Variants in KLHL1 observed in about 807,000 individuals in gnomAD.
The protein encoded by KLHL1 is kelch like family member 1.
KLHL1 carries 47 observed loss-of-function variants against 77.7 expected under a neutral mutation model. The observed-to-expected ratio is 0.60, with a 90% CI of 0.48 to 0.77. The LOEUF (loss-of-function observed/expected upper bound fraction) is 0.77. Ranked by LOEUF, KLHL1 falls within the 30% of genes least tolerant of loss-of-function variation. The pLI, the probability that KLHL1 is intolerant of heterozygous loss-of-function variation, is 0.00. For missense variants in KLHL1, 925 were observed against 910.8 expected (o/e 1.02, Z -0.20); for synonymous variants, 360 against 325.2 (o/e 1.11, Z -1.15).
chr13:69,861,464 T>C (rs1880156196), intron 5 of KLHL1, among the ~76,000 whole-genome samples: 1 of 152,128 alleles, frequency 6.6e-6, no homozygotes, highest in Admixed American at 6.6e-5. Flanking sequence ...AACAAGTTCA[T>C]GATTTCATAT....
At chr13:69,835,275 T>C (rs1246144784) in intron 6 of KLHL1, among the ~76,000 whole-genome samples, 2 of 152,158 alleles carry the variant, frequency 1.3e-5, no homozygotes, top group Non-Finnish European at 2.9e-5. Context: ...CTAATTCTAA[T>C]ACCAGCCCAC....
At chr13:69,727,183 T>C (rs1566186649) in intron 8 of KLHL1, among the ~76,000 whole-genome samples, 1 of 152,152 alleles carries the variant, frequency 6.6e-6, no homozygotes, top group Non-Finnish European at 1.5e-5. Flanking sequence ...TAATCTTATT[T>C]TGGTTTTAAG....
intron 4 of KLHL1, among the ~76,000 whole-genome samples, chr13:69,924,371 C>A (rs1882744599): frequency 6.6e-6 from 1 of 152,118 alleles, no homozygotes; most frequent in Non-Finnish European, 1.5e-5. Context: ...GCATTCACTT[C>A]TTCCCCTCTG....
chr13:69,844,598 T>G (rs1026452421), intron 5 of KLHL1, among the ~76,000 whole-genome samples: 1 of 151,636 alleles, frequency 6.6e-6, no homozygotes, highest in African/African-American at 2.4e-5. Context: ...GCCAACCACA[T>G]GTGAGTTTGG....
At chr13:69,784,077 C>A (rs559710678) in intron 7 of KLHL1, among the ~76,000 whole-genome samples, 2 of 152,144 alleles carry the variant, frequency 1.3e-5, no homozygotes, top group East Asian at 3.9e-4. Flanking sequence ...TCATATCCAG[C>A]CAAACTAAGC....
chr13:69,847,071 C>A (rs1276577681), intron 5 of KLHL1, among the ~76,000 whole-genome samples: 1 of 151,356 alleles, frequency 6.6e-6, no homozygotes, highest in African/African-American at 2.4e-5. Flanking sequence ...TGTCTAGAAT[C>A]CTTGTCATGA....
chr13:69,784,734 T>C (rs1271998457), intron 7 of KLHL1, among the ~76,000 whole-genome samples: 1 of 151,610 alleles, frequency 6.6e-6, no homozygotes, highest in East Asian at 1.9e-4. Flanking sequence ...ACAATAATAA[T>C]GGGAGACTTT....
chr13:69,706,841 C>A (rs1280607903), intron 10 of KLHL1, among the ~76,000 whole-genome samples: 2 of 151,746 alleles, frequency 1.3e-5, no homozygotes, highest in Non-Finnish European at 1.5e-5. Flanking sequence ...AGATGTTTTT[C>A]ACTGTAATTA....
chr13:69,949,603 A>G (rs1026005416), intron 3 of KLHL1, among the ~76,000 whole-genome samples: 1 of 151,722 alleles, frequency 6.6e-6, no homozygotes, highest in Non-Finnish European at 1.5e-5. Context: ...CACAGCCTAC[A>G]CTTACGGAGG....
intron 4 of KLHL1, among the ~76,000 whole-genome samples, chr13:69,923,974 G>A (rs1322252328): frequency 6.6e-6 from 1 of 152,202 alleles, no homozygotes; most frequent in Non-Finnish European, 1.5e-5. Context: ...CCTACTCCCG[G>A]CACCTGCTCT....
intron 1 of KLHL1, among the ~76,000 whole-genome samples, chr13:70,039,545 G>C (rs1037784604): frequency 6.6e-6 from 1 of 151,602 alleles, no homozygotes; most frequent in Non-Finnish European, 1.5e-5. Flanking sequence ...TTTTCAAACG[G>C]CAAAAGATTT....
At chr13:69,722,714 G>A (rs1873121521) in intron 8 of KLHL1, among the ~76,000 whole-genome samples, 1 of 151,900 alleles carries the variant, frequency 6.6e-6, no homozygotes. Context: ...ATGTAAATTA[G>A]GAAAACCATT....
chr13:70,054,577 AG>A (rs1025705313), intron 1 of KLHL1, among the ~76,000 whole-genome samples: 44 of 152,228 alleles, frequency 2.9e-4, no homozygotes, highest in African/African-American at 1.0e-3. Flanking sequence ...CACAAGTATG[AG>A]TGACCAACCC....
At chr13:69,780,486 GT>G (rs1226221979) in intron 7 of KLHL1, among the ~76,000 whole-genome samples, 1 of 151,454 alleles carries the variant, frequency 6.6e-6, no homozygotes, top group Non-Finnish European at 1.5e-5. Context: ...ACTAAAACAA[GT>G]ACTCCTTTCA....
chr13:69,997,469 C>T (rs1399463734), intron 1 of KLHL1, among the ~76,000 whole-genome samples: 1 of 151,154 alleles, frequency 6.6e-6, no homozygotes, highest in African/African-American at 2.4e-5. Context: ...CCCATTTTCT[C>T]TCCCTTCTAG....
chr13:70,099,948 T>C (rs1479561720), intron 1 of KLHL1, among the ~76,000 whole-genome samples: 1 of 152,012 alleles, frequency 6.6e-6, no homozygotes, highest in Non-Finnish European at 1.5e-5. Flanking sequence ...TGTAGCTTCA[T>C]AACAAGTCTG....
chr13:69,835,511 T>A (rs1878952292), intron 6 of KLHL1, among the ~76,000 whole-genome samples: 1 of 152,092 alleles, frequency 6.6e-6, no homozygotes, highest in African/African-American at 2.4e-5. Flanking sequence ...GAACCAGAGA[T>A]GCTGCATTAA....
rs541653597 is a variant in KLHL1 at position 69,729,277 on chromosome 13, T to C, written c.1803-9696A>G. ...ACTAGAAGCCTCACTAAATTTGTTA[T>C]ATGAAATTGATGCAATTTTGGTCTT... On this transcript the variant is annotated intron_variant, in intron 8 of 10. Transcript: ENST00000377844. Among the ~76,000 whole-genome samples the C allele has an allele frequency of 3.3e-5, 5 of 152,262 alleles. No homozygotes were observed. In the East Asian group the frequency reaches 7.7e-4, roughly 24 times the overall value.
chr13:70,107,834 C>A lies in KLHL1; in HGVS notation c.-135G>T, dbSNP rs1888112969. 2 of 664,138 alleles carry A rather than the reference C, an allele frequency of 3.0e-6. No homozygotes were observed. The highest frequency in any genetic ancestry group is 2.3e-5 in the South Asian group (1 of 43,188). The allele number at this position is 664,138 out of a possible 1,614,324, so 41.1% of individuals were successfully genotyped here. A position where few individuals can be genotyped will look rare whatever the true frequency, so the allele number is the denominator to read the frequency against. The stretch of plus-strand genomic sequence containing the variant: ...TCTGCACCCCTAGAGCCAGAAGACG[C>A]TAGGTGGGCTGCGCGCTCTGCCAGG... On this transcript the variant is annotated 5_prime_UTR_variant, in exon 1 of 11. Coordinates refer to ENST00000377844, the MANE Select transcript of KLHL1 (RefSeq NM_020866.3).
Sources: gnomAD v4.1 joint callset for allele counts (sites outside exome capture counted in the v4.1 genomes callset) on GRCh38, gnomAD v4.1.1 for gene constraint, MANE v1.5 for transcripts, NCBI Gene and HGNC (gene_info 2026-07-23, HGNC 2026-07-21) for gene names.